The following PDILT variants were observed in gnomAD, a reference collection of about 807,000 sequenced individuals.
PDILT encodes the protein protein disulfide-isomerase-like protein of the testis.
Under a neutral mutation model 53.7 loss-of-function variants are expected in PDILT, and 43 were observed. The ratio of observed to expected loss-of-function variants is 0.80; its 90% confidence interval spans 0.63 to 1.03. The LOEUF (loss-of-function observed/expected upper bound fraction) is 1.03, where lower values mean the gene tolerates loss of function less well. Among genes scored for constraint, PDILT ranks in the 50% least tolerant of loss-of-function variants. The probability of loss-of-function intolerance (pLI) is 0.00; values close to 1 mark genes in which losing one functional copy is unlikely to be tolerated. For missense variants in PDILT, 727 were observed against 712.3 expected, an observed-to-expected ratio of 1.02 and a Z score of -0.24; for synonymous variants, 282 against 274.2, an observed-to-expected ratio of 1.03 and a Z score of -0.28.
chr16:20,367,375 C>A (rs891700756), intron 8 of PDILT, among the ~76,000 whole-genome samples: 1 of 152,136 alleles, frequency 6.6e-6, no homozygotes, highest in African/African-American at 2.4e-5. Context: ...CCTCACCACA[C>A]CCGCTCTAGC....
chr16:20,361,527 A>G (rs956004554), intron 10 of PDILT, among the ~76,000 whole-genome samples: 3 of 152,108 alleles, frequency 2.0e-5, no homozygotes, highest in African/African-American at 7.2e-5. Context: ...TAATGCCCAC[A>G]GGTCACCTAA....
intron 2 of PDILT, among the ~76,000 whole-genome samples, chr16:20,396,629 T>C (rs773924235): frequency 2.8e-4 from 43 of 152,234 alleles, no homozygotes; most frequent in Non-Finnish European, 4.6e-4. Context: ...ACTCAGCTGC[T>C]GCAGTTGAAA....
chr16:20,384,647 TTGCAGCTGA>T lies in PDILT; in HGVS notation c.398_406del (p.Ile133_Cys135del), dbSNP rs1966506702. ...GTGTGACACACAAGCACCATTACCTTTGCAGCTGATGGGCTCTGACCTGTTGCCCTCAAA... is the reference window on the plus strand; with the variant it reads ...GTGTGACACACAAGCACCATTACCTTTGGGCTCTGACCTGTTGCCCTCAAA... On this transcript the variant is annotated inframe_deletion, in exon 3 of 12. Transcript: ENST00000302451. 2 of 1,614,084 alleles carry T rather than the reference TTGCAGCTGA, an allele frequency of 1.2e-6. No individual in the cohort carries two copies. The highest frequency in any genetic ancestry group is 4.5e-5 in the East Asian group (2 of 44,864).
At chr16:20,374,741 C>T (rs1966357899) in intron 5 of PDILT, 81 bp downstream of exon 5, 3 of 1,480,902 alleles carry the variant, frequency 2.0e-6, no homozygotes, top group Admixed American at 4.4e-5. Context: ...AGTGGCAGAA[C>T]CAGAATTTGT....
intron 9 of PDILT, among the ~76,000 whole-genome samples, chr16:20,363,890 C>T (rs887855830): frequency 2.6e-5 from 4 of 152,088 alleles, no homozygotes; most frequent in Admixed American, 2.6e-4. Flanking sequence ...AGACCAGCTC[C>T]AACCCAAGGG....
chr16:20,364,348 G>C (rs1382112484), intron 9 of PDILT, among the ~76,000 whole-genome samples: 3 of 152,194 alleles, frequency 2.0e-5, no homozygotes, highest in Non-Finnish European at 4.4e-5. Flanking sequence ...ATTGTAAAAG[G>C]CCTGCATGAT....
chr16:20,386,560 C>G (rs901049733), intron 2 of PDILT, among the ~76,000 whole-genome samples: 1 of 152,216 alleles, frequency 6.6e-6, no homozygotes, highest in African/African-American at 2.4e-5. Flanking sequence ...CGTTGCTGGT[C>G]AGCACGCCTG....
chr16:20,396,445 C>T (rs191897935), intron 2 of PDILT, among the ~76,000 whole-genome samples: 13 of 152,344 alleles, frequency 8.5e-5, no homozygotes, highest in Admixed American at 8.5e-4. Flanking sequence ...ATTTCAACGA[C>T]TTCTACTAAC....
Position 20,384,766 on chromosome 16 carries a change from G to C in PDILT, c.288C>G (p.Ile96Met), listed in dbSNP as rs566608055. ...VEIMGKGKNG[I>M]GFGKVDITIE... ...TGGTAATGTCCACTTTGCCAAAGCC[G>C]ATCCCATTCTTGCCTTTGCCCATGA... The change falls in exon 3 of 12, where the codon ATC becomes ATG. Residue 96 changes from isoleucine to methionine, a missense_variant. Transcript: ENST00000302451. The C allele has an allele frequency of 6.2e-7, 1 of 1,614,060 alleles. No homozygotes were observed. Among genetic ancestry groups the C allele is most frequent in the South Asian group, 1.1e-5 (1 of 91,060 alleles).
In PDILT at chr16:20,381,966, A is replaced by G. The variant is rs150883153; in HGVS notation, c.409+2679T>C. Among the ~76,000 whole-genome samples the G allele has an allele frequency of 2.7e-3, 412 of 152,280 alleles. 3 individuals are homozygous for G. Among genetic ancestry groups the G allele is most frequent in the African/African-American group, 9.6e-3 (397 of 41,570 alleles). On this transcript the variant is annotated intron_variant, in intron 3 of 11. Coordinates refer to ENST00000302451, the MANE Select transcript of PDILT (RefSeq NM_174924.2). ...CAGGCTGAAGTGCAGTGGTGCAATCATGGCTCACTGCAGTCACAAATTCCT... is the reference window on the plus strand; with the variant it reads ...CAGGCTGAAGTGCAGTGGTGCAATCGTGGCTCACTGCAGTCACAAATTCCT...
rs1251185918 is a variant in PDILT, at chr16:20,369,498, A to G, written c.1110T>C (p.Asn370=). Residue 370 remains asparagine (N), a synonymous_variant, in exon 8 of 12, where the codon AAT becomes AAC. Coordinates refer to ENST00000302451, the MANE Select transcript of PDILT (RefSeq NM_174924.2). The part of the protein sequence containing the change: ...KKFGRSFLSK[N]ATKHQSSEEI... ...TGTCCAAGAAAAAACCTACTGTGGC[A>G]TTTTTACTCAGGAAGCTGCGGCCAA... is the stretch of plus-strand genomic sequence containing the variant. 6 of 1,613,852 alleles carry G rather than the reference A, an allele frequency of 3.7e-6. No individual in the cohort carries two copies. Among genetic ancestry groups the G allele is most frequent in the Non-Finnish European group, 5.1e-6 (6 of 1,179,720 alleles).
At chr16:20,384,179 T>C (rs749483321) in intron 3 of PDILT, among the ~76,000 whole-genome samples, 1 of 152,082 alleles carries the variant, frequency 6.6e-6, no homozygotes, top group Non-Finnish European at 1.5e-5. Context: ...TAATCTCTGG[T>C]GTCTGATAGT....
chr16:20,402,290 ATCTTTTCTTTTCTTT>A (rs57705875), intron 1 of PDILT, among the ~76,000 whole-genome samples: 2 of 149,520 alleles, frequency 1.3e-5, no homozygotes, highest in African/African-American at 4.9e-5. Context: ...AGGAGTGTTG[ATCTTTTCTTTTCTTT>A]TCTTTTCTTT....
intron 3 of PDILT, 32 bp downstream of exon 3, chr16:20,384,613 A>G: frequency 1.9e-6 from 3 of 1,613,212 alleles, no homozygotes; most frequent in Non-Finnish European, 1.7e-6. Context: ...TTCCATGAGC[A>G]TGAAACAAGT....
At chr16:20,375,686 A>G (rs894880990) in intron 4 of PDILT, among the ~76,000 whole-genome samples, 15 of 152,156 alleles carry the variant, frequency 9.9e-5, no homozygotes, top group African/African-American at 2.2e-4. Flanking sequence ...ATCCTGTGCT[A>G]TCGGTTTTAA....
At chr16:20,374,986 G>A in intron 4 of PDILT, 27 bp from the exon 5 acceptor site, 1 of 1,581,894 alleles carries the variant, frequency 6.3e-7, no homozygotes, top group East Asian at 2.3e-5. Context: ...GTTTGGAAAG[G>A]CTTTGGTAGA....
Position 20,362,535 on chromosome 16 carries a change from C to A in PDILT, c.1285G>T (p.Glu429Ter). 6.2e-7 allele frequency: 1 copy of A among 1,614,038 alleles called. No individual in the cohort carries two copies. Among genetic ancestry groups the A allele is most frequent in the Non-Finnish European group, 8.5e-7 (1 of 1,180,018 alleles). ...TGGTTTTGATATTTTCTGCCCAATT[C>A]CTCCAACAGTGGGAACAGCATCTTG... is the stretch of plus-strand genomic sequence containing the variant. ...KCKMLFPLLE[E>*]LGRKYQNHST... The change falls in exon 10 of 12, where the codon GAA becomes TAA. Residue 429 changes from glutamate (E) to a stop codon, truncating the protein, a stop_gained. Coordinates refer to ENST00000302451, the MANE Select transcript of PDILT (RefSeq NM_174924.2). LOFTEE classifies it high-confidence loss of function.
chr16:20,366,505 T>G (rs1966193621), intron 8 of PDILT, among the ~76,000 whole-genome samples: 1 of 152,234 alleles, frequency 6.6e-6, no homozygotes, highest in Non-Finnish European at 1.5e-5. Context: ...ATATTTATTT[T>G]TCTAATTATT....
intron 3 of PDILT, among the ~76,000 whole-genome samples, chr16:20,380,643 C>A (rs539166378): frequency 6.6e-6 from 1 of 152,196 alleles, no homozygotes; most frequent in African/African-American, 2.4e-5. Flanking sequence ...GCCGAGCTAC[C>A]CTATTTTCTT....
Sources: allele counts gnomAD v4.1 joint callset (sites outside exome capture counted in the v4.1 genomes callset), GRCh38; gene constraint gnomAD v4.1.1; transcripts MANE v1.5; gene names NCBI Gene and HGNC (gene_info 2026-07-23, HGNC 2026-07-21).